The following ENPP6 variants were observed in gnomAD, a reference collection of about 807,000 sequenced individuals.
The protein encoded by ENPP6 is glycerophosphocholine cholinephosphodiesterase ENPP6.
In ENPP6, 32 loss-of-function variants were observed where a neutral mutation model predicts 42.0. The ratio of observed to expected loss-of-function variants is 0.76; its 90% CI spans 0.58 to 1.02. The LOEUF is 1.02. Among genes scored for constraint, ENPP6 ranks in the 50% least tolerant of loss-of-function variants. The pLI is 0.00. For synonymous variants in ENPP6, 213 were observed against 216.0 expected, an observed-to-expected ratio of 0.99 and a Z score of 0.12; for missense variants, 552 against 566.8, an observed-to-expected ratio of 0.97 and a Z score of 0.27.
chr4:184,190,543 G>A (rs1454447398), intron 1 of ENPP6, among the ~76,000 whole-genome samples: 1 of 152,174 alleles, frequency 6.6e-6, no homozygotes, highest in Admixed American at 6.5e-5. Flanking sequence ...AAATGAGATG[G>A]GGAAGAGAAC....
chr4:184,116,210 G>A (rs368712723), intron 5 of ENPP6, among the ~76,000 whole-genome samples: 63 of 151,574 alleles, frequency 4.2e-4, no homozygotes, highest in African/African-American at 1.4e-3. Flanking sequence ...GCGACAGAGC[G>A]AGACTCCGTC....
chr4:184,097,631 C>G (rs914866454), intron 6 of ENPP6, among the ~76,000 whole-genome samples: 5 of 152,168 alleles, frequency 3.3e-5, no homozygotes, highest in African/African-American at 1.2e-4. Flanking sequence ...AGTTTTAGAG[C>G]CACTAAATAT....
chr4:184,203,087 T>C (rs1190708892), intron 1 of ENPP6, among the ~76,000 whole-genome samples: 2 of 83,478 alleles, frequency 2.4e-5, no homozygotes, highest in Non-Finnish European at 5.1e-5. Flanking sequence ...CTACTAAAAA[T>C]ACAAAAAAAA....
chr4:184,097,298 C>G lies in ENPP6; in HGVS notation c.1064G>C (p.Gly355Ala). ...RREGWQRGWHGYDNELMDMRG... is the reference protein window; with the variant it reads ...RREGWQRGWHAYDNELMDMRG... The stretch of plus-strand genomic sequence containing the variant: ...CATGTCCATGAGCTCGTTGTCGTAG[C>G]CGTGCCATCCACGCTGCCAACCTTC... Residue 355 changes from glycine (G) to alanine (A), a missense_variant, in exon 7 of 8, where the codon GGC (glycine) becomes GCC (alanine). Transcript: ENST00000296741. The G allele has an allele frequency of 6.2e-7, 1 of 1,614,226 alleles. No individual in the cohort carries two copies. Among genetic ancestry groups the G allele is most frequent in the Non-Finnish European group, 8.5e-7 (1 of 1,180,040 alleles).
intron 1 of ENPP6, among the ~76,000 whole-genome samples, chr4:184,206,382 C>G (rs866684555): frequency 8.9e-6 from 1 of 112,118 alleles, no homozygotes; most frequent in South Asian, 3.0e-4. Context: ...CTCAGCCTCC[C>G]GAGTAGCTGG....
chr4:184,097,185 C>G lies in ENPP6; in HGVS notation c.1117+60G>C, dbSNP rs184955466. 29 of 1,606,916 alleles carry G rather than the reference C, an allele frequency of 1.8e-5. No homozygotes were observed. In the Admixed American group the frequency reaches 4.7e-4, roughly 26 times the overall value. On this transcript the variant is annotated intron_variant, in intron 7 of 7. Coordinates refer to ENST00000296741, the MANE Select transcript of ENPP6 (RefSeq NM_153343.4). ...CAGCCTCTCCTGGCACCCGTAGCCC[C>G]CCTTACAGACACTTCCTTGGGAATG... is the stretch of plus-strand genomic sequence containing the variant.
intron 1 of ENPP6, among the ~76,000 whole-genome samples, chr4:184,189,775 C>T (rs939596118): frequency 6.6e-6 from 1 of 152,144 alleles, no homozygotes; most frequent in African/African-American, 2.4e-5. Context: ...TCACCACAGC[C>T]CGGAGTAGAA....
chr4:184,119,312 GGTGTGTGTGTGTGTGT>G (rs6148837), intron 3 of ENPP6, among the ~76,000 whole-genome samples: 2,150 of 144,112 alleles, frequency 0.015, 38 homozygotes, highest in South Asian at 0.06. Context: ...TCTGTTTCTT[GGTGTGTGTGTGTGTGT>G]GTGTGTGTGT....
chr4:184,111,332 AG>A (rs1383979179), intron 6 of ENPP6, among the ~76,000 whole-genome samples: 1 of 152,270 alleles, frequency 6.6e-6, no homozygotes, highest in Non-Finnish European at 1.5e-5. Context: ...AACTGAAAAA[AG>A]TTCAAACAGT....
intron 6 of ENPP6, among the ~76,000 whole-genome samples, chr4:184,101,276 G>A (rs1000930634): frequency 6.7e-6 from 1 of 150,314 alleles, no homozygotes; most frequent in African/African-American, 2.4e-5. Context: ...TGTGTTGCAC[G>A]TGTGTGTTAA....
rs149018507 is a variant in ENPP6, at chr4:184,144,955, C to G, written c.421+8599G>C. Among the ~76,000 whole-genome samples the G allele has an allele frequency of 8.5e-3, 1,289 of 152,348 alleles. 25 individuals are homozygous for G. Among genetic ancestry groups the G allele is most frequent in the African/African-American group, 0.029 (1,216 of 41,572 alleles). ...CCACGGCCCCGGCCCTGGTTGAAAT[C>G]TCCTGATCAGGTCAGCGGAGGACAG... On this transcript the variant is annotated intron_variant, in intron 2 of 7. Coordinates refer to ENST00000296741, the MANE Select transcript of ENPP6 (RefSeq NM_153343.4).
rs748287540 is a variant in ENPP6, at chr4:184,117,888, G to C, written c.546C>G (p.Ala182=). ...DALDSFKSGR[A]DLAAIYHERI... The stretch of plus-strand genomic sequence containing the variant: ...GCTCATGGTATATGGCTGCCAGGTC[G>C]GCCCGGCCACTCCTGGAGGGACAGA... The change falls in exon 4 of 8, where the codon GCC becomes GCG. Residue 182 remains alanine (A), a synonymous_variant. Transcript: ENST00000296741. The C allele has an allele frequency of 3.7e-6, 6 of 1,613,942 alleles. No homozygotes were observed. Among genetic ancestry groups the C allele is most frequent in the East Asian group, 2.2e-5 (1 of 44,888 alleles).
rs1553996065 is a variant in ENPP6, at chr4:184,131,259, T to TTTCTCTTTCTTTCTTTCCTTCTTTCTTC, written c.422-6988_422-6987insGAAGAAAGAAGGAAAGAAAGAAAGAGAA. Among the ~76,000 whole-genome samples the TTTCTCTTTCTTTCTTTCCTTCTTTCTTC allele has an allele frequency of 7.9e-4, 58 of 73,342 alleles. 2 individuals carry two copies. Among genetic ancestry groups the TTTCTCTTTCTTTCTTTCCTTCTTTCTTC allele is most frequent in the Non-Finnish European group, 1.1e-3 (39 of 35,180 alleles). 48.1% of individuals were successfully genotyped at this position (73,342 alleles called of 152,430 possible). On this transcript the variant is annotated intron_variant, in intron 2 of 7. Transcript: ENST00000296741. ...CCTTTTCTTTCTTTCTTTCTCTTTC[T>TTTCTCTTTCTTTCTTTCCTTCTTTCTTC]CTTCCTTCCTTCCTTCCTTCCTTCC...
At chr4:184,156,820 G>A (rs771948719) in intron 1 of ENPP6, among the ~76,000 whole-genome samples, 4 of 152,234 alleles carry the variant, frequency 2.6e-5, no homozygotes, top group Non-Finnish European at 5.9e-5. Flanking sequence ...ACTCAAGCAT[G>A]TTCGACGTAG....
chr4:184,097,364 C>A lies in ENPP6; in HGVS notation c.998G>T (p.Arg333Leu), dbSNP rs142818755. The A allele has an allele frequency of 3.7e-6, 6 of 1,613,982 alleles. No homozygotes were observed. Among genetic ancestry groups the A allele is most frequent in the Admixed American group, 3.3e-5 (2 of 59,996 alleles). The change falls in exon 7 of 8, where the codon CGA becomes CTA. Residue 333 changes from arginine (R) to leucine (L), a missense_variant. By Grantham distance (102) the Arg-to-Leu change is moderately radical. Transcript: ENST00000296741. The stretch of plus-strand genomic sequence containing the variant: ...GTTCATCCAAAACGGAAGCATCTCT[C>A]GATTCTGAAACCAAGCAAGGCAGAC... ...ADEGWFITEN[R>L]EMLPFWMNST...
In ENPP6 at chr4:184,148,492, C is replaced by T. The variant is rs1338870634; in HGVS notation, c.421+5062G>A. Among the ~76,000 whole-genome samples, 3 of 152,232 alleles carry T rather than the reference C, an allele frequency of 2.0e-5. No individual in the cohort carries two copies. The East Asian group carries it at 5.8e-4, about 29-fold the overall frequency. ...CAGCAGTCCAAAGAGGCAGCATCTC[C>T]TCTATTTCTCTGCAGCAGAAATGGT... is the stretch of plus-strand genomic sequence containing the variant. On this transcript the variant is annotated intron_variant, in intron 2 of 7. Coordinates refer to ENST00000296741, the MANE Select transcript of ENPP6 (RefSeq NM_153343.4).
In ENPP6 at chr4:184,112,442, C is replaced by G. The variant is rs148172170; in HGVS notation, c.993+230G>C. 972 of 493,418 alleles carry G rather than the reference C, an allele frequency of 2.0e-3. 8 individuals carry two copies. Among genetic ancestry groups the G allele is most frequent in the African/African-American group, 0.017 (874 of 50,620 alleles). The allele number at this position is 493,418 out of a possible 1,614,324, so 30.6% of individuals were successfully genotyped here. ...TTAATGCCCGTTTGTTAAAACACAG[C>G]GAGTCTGGAGCCACGAAGTCTAAAC... On this transcript the variant is annotated intron_variant, in intron 6 of 7. Coordinates refer to ENST00000296741, the MANE Select transcript of ENPP6 (RefSeq NM_153343.4).
intron 1 of ENPP6, among the ~76,000 whole-genome samples, chr4:184,164,500 T>C (rs1737318596): frequency 6.6e-6 from 1 of 152,196 alleles, no homozygotes; most frequent in Non-Finnish European, 1.5e-5. Context: ...GAGACTGACC[T>C]GCCCCCAGGG....
chr4:184,136,559 T>C (rs1379945431), intron 2 of ENPP6, among the ~76,000 whole-genome samples: 3 of 152,220 alleles, frequency 2.0e-5, no homozygotes, highest in Non-Finnish European at 4.4e-5. Flanking sequence ...ATATTTTCTA[T>C]GGTTGCTGTC....
Sources: allele counts gnomAD v4.1 joint callset (sites outside exome capture counted in the v4.1 genomes callset), GRCh38; gene constraint gnomAD v4.1.1; transcripts MANE v1.5; gene names NCBI Gene and HGNC (gene_info 2026-07-23, HGNC 2026-07-21).